Variants in MAN2A2 observed in about 807,000 individuals in gnomAD.
The protein encoded by MAN2A2 is alpha-mannosidase 2x.
In MAN2A2, 79 loss-of-function variants were observed where a neutral mutation model predicts 126.8. The observed-to-expected ratio is 0.62, with a 90% CI of 0.52 to 0.75. The LOEUF (loss-of-function observed/expected upper bound fraction) is 0.75. MAN2A2 is among the 30% of genes least tolerant of loss of function. The pLI is 0.00. For missense variants in MAN2A2, 1,392 were observed against 1,522.4 expected (o/e 0.91, Z 1.43); for synonymous variants, 671 against 618.7 (o/e 1.08, Z -1.25).
chr15:90,904,143 A>G, intron 1 of MAN2A2, 47 bp from the exon 2 acceptor site: 1 of 1,609,192 alleles, frequency 6.2e-7, no homozygotes. Flanking sequence ...AAAGACTGCC[A>G]CGGGCATTTT....
Position 90,919,602 on chromosome 15 carries a change from A to G in MAN2A2, c.3301-33A>G, listed in dbSNP as rs189949258. The G allele has an allele frequency of 2.3e-3, 3,730 of 1,608,898 alleles. 7 individuals carry two copies. Among genetic ancestry groups the G allele is most frequent in the Non-Finnish European group, 2.9e-3 (3,430 of 1,176,902 alleles). On this transcript the variant is annotated intron_variant, in intron 22 of 22. Transcript: ENST00000559717. ...CACATTCTTTAGTGTCTCGGCACCT[A>G]GCACAACCCTGCCCCTTCTCTGCTC...
intron 22 of MAN2A2, 71 bp from the exon 23 acceptor site, chr15:90,919,564 G>A (rs2035441117): frequency 6.4e-7 from 1 of 1,560,832 alleles, no homozygotes; most frequent in Non-Finnish European, 8.8e-7. Context: ...GTACCAAATT[G>A]TAGATGAACA....
chr15:90,904,434 C>CGGG, intron 2 of MAN2A2, 95 bp downstream of exon 2: 1 of 1,354,412 alleles, frequency 7.4e-7, no homozygotes, highest in East Asian at 2.5e-5. Context: ...CCACCCCCCG[C>CGGG]TGGAGGGTAA....
intron 7 of MAN2A2, 128 bp from the exon 8 acceptor site, chr15:90,907,181 C>T: frequency 1.0e-6 from 1 of 988,594 alleles, no homozygotes. Flanking sequence ...CCTACACACT[C>T]TCTCCAGCCC....
chr15:90,914,590 G>A (rs1244165088), intron 19 of MAN2A2, among the ~76,000 whole-genome samples: 4 of 152,086 alleles, frequency 2.6e-5, no homozygotes, highest in African/African-American at 9.6e-5. Flanking sequence ...TGCAATCTCC[G>A]CTCACTGCAA....
intron 19 of MAN2A2, among the ~76,000 whole-genome samples, chr15:90,914,536 T>C (rs1054974442): frequency 1.3e-5 from 2 of 152,212 alleles, no homozygotes; most frequent in Non-Finnish European, 2.9e-5. Context: ...TTTTTTTGTT[T>C]TGAGACGGAG....
chr15:90,911,216 A>T lies in MAN2A2; in HGVS notation c.1921A>T (p.Ile641Phe). 1 of 1,614,020 alleles carries T rather than the reference A, an allele frequency of 6.2e-7. No individual in the cohort carries two copies. Among genetic ancestry groups the T allele is most frequent in the Admixed American group, 1.7e-5 (1 of 60,000 alleles). Residue 641 changes from isoleucine (I) to phenylalanine (F), a missense_variant, in exon 13 of 23, where the codon ATC becomes TTC. Physicochemically the swap from Ile to Phe is conservative, Grantham distance 21 (BLOSUM62 0). Coordinates refer to ENST00000559717, the MANE Select transcript of MAN2A2 (RefSeq NM_006122.4). ...SHDALPERTV[I>F]QLDSSPRFVV... ...CGACGCCCTCCCAGAGCGCACGGTG[A>T]TCCAGCTGGATTCCTCGCCCAGGTA...
Position 90,906,840 on chromosome 15 carries a change from G to A in MAN2A2, c.936G>A (p.Gln312=). Reference sequence around the variant, plus strand: ...CCAACCTCACCAGCATGCTGATTCAGAGAGTGCACTATGCCATCAAGAAGC... The same window carrying A: ...CCAACCTCACCAGCATGCTGATTCAAAGAGTGCACTATGCCATCAAGAAGC... The part of the protein sequence containing the change: ...RRANLTSMLI[Q]RVHYAIKKHF... Residue 312 remains glutamine (Q), a synonymous_variant, in exon 7 of 23, where the codon CAG becomes CAA. Transcript: ENST00000559717. 1.2e-6 allele frequency: 2 copies of A among 1,614,110 alleles called. No individual in the cohort carries two copies. The highest frequency in any genetic ancestry group is 8.5e-7 in the Non-Finnish European group (1 of 1,180,010).
chr15:90,913,343 C>T lies in MAN2A2; in HGVS notation c.2655C>T (p.Ala885=). The change falls in exon 18 of 23, where the codon GCC becomes GCT. Residue 885 remains alanine, a synonymous_variant. Coordinates refer to ENST00000559717, the MANE Select transcript of MAN2A2 (RefSeq NM_006122.4). The part of the protein sequence containing the change: ...DIRDYVNKEL[A]LHIHTDIDSQ... ...GGGACTACGTCAACAAGGAGCTGGC[C>T]CTGCACATCCATACAGACATCGACA... 2.5e-6 allele frequency: 4 copies of T among 1,611,126 alleles called. No individual in the cohort carries two copies. Among genetic ancestry groups the T allele is most frequent in the Non-Finnish European group, 3.4e-6 (4 of 1,177,308 alleles).
chr15:90,916,382 T>G, intron 20 of MAN2A2, 126 bp downstream of exon 20: 109 of 1,218,402 alleles, frequency 8.9e-5, no homozygotes, highest in African/African-American at 1.1e-4. Context: ...AGGGCTGAAT[T>G]CCTGGGGTGG....
Position 90,912,179 on chromosome 15 carries a change from A to C in MAN2A2, c.2246A>C (p.Glu749Ala). Residue 749 changes from glutamate (E) to alanine (A), a missense_variant, in exon 15 of 23, where the codon GAA (glutamate) becomes GCA (alanine). Coordinates refer to ENST00000559717, the MANE Select transcript of MAN2A2 (RefSeq NM_006122.4). ...HGRQLSVSRH[E>A]AFPLRVIDSG... Reference sequence around the variant, plus strand: ...CGGCAGCTGTCCGTCAGCAGGCACGAAGCGTTTCCTCTCCGTGTCATTGAC... The same window carrying C: ...CGGCAGCTGTCCGTCAGCAGGCACGCAGCGTTTCCTCTCCGTGTCATTGAC... 1 of 1,614,102 alleles carries C rather than the reference A, an allele frequency of 6.2e-7. No homozygotes were observed. The highest frequency in any genetic ancestry group is 8.5e-7 in the Non-Finnish European group (1 of 1,180,002).
At chr15:90,916,781 T>A in intron 20 of MAN2A2, 1 of 698,034 alleles carries the variant, frequency 1.4e-6, no homozygotes, top group Non-Finnish European at 2.2e-6. Context: ...GCACCTGCTT[T>A]ACTGTGAGGA....
intron 19 of MAN2A2, among the ~76,000 whole-genome samples, chr15:90,914,002 C>T (rs1017812117): frequency 3.3e-5 from 5 of 152,112 alleles, no homozygotes; most frequent in African/African-American, 7.2e-5. Context: ...CCTGAAGAAC[C>T]GTCAGGGTTA....
Position 90,906,849 on chromosome 15 carries a change from C to G in MAN2A2, c.945C>G (p.His315Gln), listed in dbSNP as rs753086913. ...CCAGCATGCTGATTCAGAGAGTGCACTATGCCATCAAGAAGCACTTTGCTG... is the reference window on the plus strand; with the variant it reads ...CCAGCATGCTGATTCAGAGAGTGCAGTATGCCATCAAGAAGCACTTTGCTG... ...NLTSMLIQRV[H>Q]YAIKKHFAAT... The change falls in exon 7 of 23, where the codon CAC becomes CAG. Residue 315 changes from histidine to glutamine, a missense_variant. Coordinates refer to ENST00000559717, the MANE Select transcript of MAN2A2 (RefSeq NM_006122.4). 1 of 1,614,110 alleles carries G rather than the reference C, an allele frequency of 6.2e-7. No homozygotes were observed. Among genetic ancestry groups the G allele is most frequent in the Non-Finnish European group, 8.5e-7 (1 of 1,180,002 alleles).
At position 90,904,237 on chromosome 15, in the gene MAN2A2, TG is replaced by T. The variant is rs1373963821; in HGVS notation, c.34del (p.Ala12LeufsTer67). ...AGCTGAAAAAGCAGGTGACAGTGTG[TG>T]GGGCTGCCATCTTCTGTGTGGCAGT... MKLKKQVTVC[G>X]AAIFCVAVFS... is the part of the protein sequence containing the mutation. On this transcript the variant is annotated frameshift_variant, in exon 2 of 23. Transcript: ENST00000559717. LOFTEE classifies it high-confidence loss of function. 1.6e-5 allele frequency: 26 copies of T among 1,614,066 alleles called. No individual in the cohort carries two copies. In the Admixed American group the frequency reaches 4.3e-4, roughly 27 times the overall value.
Position 90,922,398 on chromosome 15 carries a change from T to C in MAN2A2, c.*2611T>C, listed in dbSNP as rs1216598778. ...AATAGGATTATCAATGTGAACTGCTTAGCATGGTGCCTGGTATATACGAGA... is the reference window on the plus strand; with the variant it reads ...AATAGGATTATCAATGTGAACTGCTCAGCATGGTGCCTGGTATATACGAGA... On this transcript the variant is annotated 3_prime_UTR_variant, in exon 23 of 23. Transcript: ENST00000559717. 1 of 152,194 alleles carries C rather than the reference T, an allele frequency of 6.6e-6. No homozygotes were observed. Among genetic ancestry groups the C allele is most frequent in the Non-Finnish European group, 1.5e-5 (1 of 68,044 alleles). The allele number at this position is 152,194 out of a possible 1,614,324, so 9.4% of individuals were successfully genotyped here.
intron 8 of MAN2A2, among the ~76,000 whole-genome samples, chr15:90,908,374 A>C (rs1243244130): frequency 6.6e-6 from 1 of 152,050 alleles, no homozygotes; most frequent in Non-Finnish European, 1.5e-5. Flanking sequence ...AGATTAGTTG[A>C]CTCTTTGGAC....
rs751543485 is a variant in MAN2A2 at position 90,905,296 on chromosome 15, C to T, written c.178C>T (p.Leu60Phe). The change falls in exon 3 of 23, where the codon CTT becomes TTT. Residue 60 changes from leucine (L) to phenylalanine (F), a missense_variant. Physicochemically the swap from Leu to Phe is conservative, Grantham distance 22. Transcript: ENST00000559717. ...GAACCGCATTGAGCAGCTGGAGCAG[C>T]TTTTGGAGGAGAACCATGAGATTAT... ...LQNRIEQLEQ[L>F]LEENHEIISH... 2 of 1,613,662 alleles carry T rather than the reference C, an allele frequency of 1.2e-6. No homozygotes were observed. Among genetic ancestry groups the T allele is most frequent in the African/African-American group, 2.7e-5 (2 of 74,920 alleles).
Position 90,904,343 on chromosome 15 carries a change from A to G in MAN2A2, c.132+4A>G. The G allele has an allele frequency of 6.2e-7, 1 of 1,612,534 alleles. No homozygotes were observed. The highest frequency in any genetic ancestry group is 8.5e-7 in the Non-Finnish European group (1 of 1,178,710). ...GAATGGTGGGAACTTCCCCCGGGTG[A>G]GTCGTGCCTGGTTGCTAATTTCTTT... On this transcript the variant is annotated splice_donor_region_variant and intron_variant, in intron 2 of 22. Transcript: ENST00000559717.
Sources: gnomAD v4.1 joint callset for allele counts (sites outside exome capture counted in the v4.1 genomes callset) on GRCh38, gnomAD v4.1.1 for gene constraint, MANE v1.5 for transcripts, NCBI Gene and HGNC (gene_info 2026-07-23, HGNC 2026-07-21) for gene names.